The following DOCK4 variants were observed in gnomAD, a reference collection of about 807,000 sequenced individuals.
The protein encoded by DOCK4 is dedicator of cytokinesis 4.
In DOCK4, 97 loss-of-function variants were observed where a neutral mutation model predicts 268.1. The observed-to-expected ratio is 0.36, with a 90% confidence interval of 0.31 to 0.43. The LOEUF (loss-of-function observed/expected upper bound fraction) is 0.43. Among genes scored for constraint, DOCK4 ranks in the 20% least tolerant of loss-of-function variants. The pLI, the probability that DOCK4 is intolerant of heterozygous loss-of-function variation, is 1.00. For synonymous variants in DOCK4, 954 were observed against 887.2 expected (o/e 1.08, Z -1.34); for missense variants, 2,145 against 2,455.7 (o/e 0.87, Z 2.67).
At chr7:112,200,746 A>AAAAAAAAAAG (rs1820864557) in intron 1 of DOCK4, among the ~76,000 whole-genome samples, 1 of 150,484 alleles carries the variant, frequency 6.6e-6, no homozygotes. Flanking sequence ...AAACAAAAAA[A>AAAAAAAAAAG]AACAAGATCA....
intron 42 of DOCK4, among the ~76,000 whole-genome samples, chr7:111,753,813 G>A (rs898643321): frequency 6.6e-6 from 1 of 152,224 alleles, no homozygotes; most frequent in African/African-American, 2.4e-5. Context: ...CACAAAAGCT[G>A]TTAAGAGTGG....
At chr7:111,926,081 G>A (rs930919076) in intron 12 of DOCK4, among the ~76,000 whole-genome samples, 5 of 141,620 alleles carry the variant, frequency 3.5e-5, no homozygotes, top group South Asian at 2.2e-4. Flanking sequence ...GCGACAGAGC[G>A]AGACAAAGAA....
chr7:111,805,235 G>C (rs1419738303), intron 30 of DOCK4, among the ~76,000 whole-genome samples: 2 of 152,140 alleles, frequency 1.3e-5, no homozygotes, highest in Admixed American at 6.5e-5. Context: ...CATTCCTGTA[G>C]ACATAAAAAT....
chr7:112,156,056 G>A (rs1049881219), intron 1 of DOCK4, among the ~76,000 whole-genome samples: 12 of 152,050 alleles, frequency 7.9e-5, no homozygotes, highest in African/African-American at 1.7e-4. Flanking sequence ...CGCAGACCTC[G>A]AGACCCCTAG....
intron 16 of DOCK4, among the ~76,000 whole-genome samples, chr7:111,884,591 G>A (rs1807681592): frequency 6.6e-6 from 1 of 152,122 alleles, no homozygotes; most frequent in South Asian, 2.1e-4. Context: ...CCCTGAGAGA[G>A]GGCTCAGAGT....
chr7:111,890,008 T>TA (rs1586278960), intron 16 of DOCK4, among the ~76,000 whole-genome samples: 1 of 152,198 alleles, frequency 6.6e-6, no homozygotes, highest in East Asian at 1.9e-4. Context: ...GTATTATTAC[T>TA]ATTTTCTTAC....
intron 8 of DOCK4, among the ~76,000 whole-genome samples, chr7:111,969,678 G>GA (rs57980511): frequency 0.69 from 98,708 of 143,968 alleles, 34,541 homozygotes; most frequent in Non-Finnish European, 0.78. Context: ...AGTTGAACCA[G>GA]AAAAAAAAAA....
intron 10 of DOCK4, among the ~76,000 whole-genome samples, chr7:111,942,424 T>G (rs1719241101): frequency 6.6e-6 from 1 of 152,206 alleles, no homozygotes; most frequent in Non-Finnish European, 1.5e-5. Context: ...GCCAAGTTTC[T>G]CTTCAAATAA....
intron 13 of DOCK4, among the ~76,000 whole-genome samples, chr7:111,907,017 C>A (rs1357816967): frequency 6.6e-6 from 1 of 152,176 alleles, no homozygotes; most frequent in Non-Finnish European, 1.5e-5. Flanking sequence ...CATATCCAAG[C>A]TTCTGTCACT....
At chr7:111,962,870 CT>C (rs1413444282) in intron 8 of DOCK4, among the ~76,000 whole-genome samples, 2 of 152,224 alleles carry the variant, frequency 1.3e-5, no homozygotes, top group East Asian at 3.9e-4. Flanking sequence ...TTAATTAAGA[CT>C]TTTTGTATTT....
intron 27 of DOCK4, among the ~76,000 whole-genome samples, chr7:111,817,453 T>C (rs1329922977): frequency 6.6e-6 from 1 of 152,182 alleles, no homozygotes; most frequent in East Asian, 1.9e-4. Flanking sequence ...CCTACCTTTC[T>C]TTGTGTGCAC....
chr7:111,732,410 G>A, intron 51 of DOCK4, 123 bp from the exon 52 acceptor site: 1 of 965,812 alleles, frequency 1.0e-6, no homozygotes, highest in Admixed American at 2.1e-5. Flanking sequence ...TCTAAGCAAA[G>A]GGGGTGGTGA....
chr7:111,850,851 C>T (rs1804488102), intron 23 of DOCK4, among the ~76,000 whole-genome samples: 1 of 152,164 alleles, frequency 6.6e-6, no homozygotes, highest in Non-Finnish European at 1.5e-5. Flanking sequence ...ACTCAGTCCA[C>T]CTACACCGAA....
At chr7:111,744,953 A>G (rs1796168229) in intron 44 of DOCK4, among the ~76,000 whole-genome samples, 1 of 152,196 alleles carries the variant, frequency 6.6e-6, no homozygotes, top group African/African-American at 2.4e-5. Flanking sequence ...TGCTTTACTT[A>G]TTAATTTGGC....
At chr7:111,793,452 G>A (rs749955490) in intron 30 of DOCK4, among the ~76,000 whole-genome samples, 16 of 152,270 alleles carry the variant, frequency 1.1e-4, no homozygotes, top group Non-Finnish European at 1.3e-4. Flanking sequence ...CTTCTTTCTT[G>A]TACATGTTTT....
chr7:111,926,980 C>A (rs1001301295), intron 12 of DOCK4, among the ~76,000 whole-genome samples: 1 of 152,026 alleles, frequency 6.6e-6, no homozygotes, highest in Non-Finnish European at 1.5e-5. Flanking sequence ...ATAGTCATAC[C>A]TTGGTTTCTG....
chr7:111,777,553 T>G (rs1190260387), intron 36 of DOCK4, among the ~76,000 whole-genome samples: 1 of 152,190 alleles, frequency 6.6e-6, no homozygotes, highest in Non-Finnish European at 1.5e-5. Context: ...GTAATACATG[T>G]GGCAACTACA....
In DOCK4 at chr7:111,977,378, C is replaced by A. The variant is rs1351291325; in HGVS notation, c.550-95G>T. 7.5e-6 allele frequency: 10 copies of A among 1,337,190 alleles called. No homozygotes were observed. In the East Asian group the frequency reaches 2.6e-4, roughly 34 times the overall value. 82.8% of individuals were successfully genotyped at this position (1,337,190 alleles called of 1,614,324 possible). On this transcript the variant is annotated intron_variant, in intron 7 of 52. Coordinates refer to ENST00000428084, the MANE Select transcript of DOCK4 (RefSeq NM_001363540.2). ...GTTAGCTATGAGGTGACTGTGATGT[C>A]CTACGCCATAACTTTTTATTTTGCT... is the stretch of plus-strand genomic sequence containing the variant.
intron 1 of DOCK4, among the ~76,000 whole-genome samples, chr7:112,004,485 C>T (rs868840966): frequency 3.3e-5 from 5 of 152,146 alleles, no homozygotes; most frequent in African/African-American, 7.2e-5. Context: ...ATCCAAATGC[C>T]GGGCCCATAG....
Sources: gnomAD v4.1 joint callset for allele counts (sites outside exome capture counted in the v4.1 genomes callset) on GRCh38, gnomAD v4.1.1 for gene constraint, MANE v1.5 for transcripts, NCBI Gene and HGNC (gene_info 2026-07-23, HGNC 2026-07-21) for gene names.